Variants in NDUFAF2 observed in about 807,000 individuals in gnomAD.
NDUFAF2 encodes NADH dehydrogenase [ubiquinone] 1 alpha subcomplex assembly factor 2.
NDUFAF2 carries 13 observed loss-of-function variants against 22.8 expected under a neutral mutation model. The observed-to-expected ratio is 0.57, with a 90% confidence interval of 0.37 to 0.91. The LOEUF (loss-of-function observed/expected upper bound fraction) is 0.91. Ranked by LOEUF, NDUFAF2 falls within the 40% of genes least tolerant of loss-of-function variation. The pLI is 0.01. For missense variants in NDUFAF2, 162 were observed against 195.2 expected (o/e 0.83, Z 1.01); for synonymous variants, 53 against 64.2 (o/e 0.83, Z 0.84).
chr5:61,038,951 T>C (rs1270608870), intron 1 of NDUFAF2, among the ~76,000 whole-genome samples: 1 of 152,092 alleles, frequency 6.6e-6, no homozygotes. Flanking sequence ...TTTTTATTTA[T>C]AGAAGACAAA....
intron 1 of NDUFAF2, among the ~76,000 whole-genome samples, chr5:61,069,065 AT>A (rs1752263934): frequency 6.6e-6 from 1 of 151,982 alleles, no homozygotes; most frequent in Non-Finnish European, 1.5e-5. Context: ...GAAATTACTC[AT>A]GCAGAGCTAA....
chr5:61,107,867 C>T (rs1321895536), intron 3 of NDUFAF2, among the ~76,000 whole-genome samples: 4 of 138,930 alleles, frequency 2.9e-5, no homozygotes, highest in African/African-American at 1.1e-4. Context: ...CTTCCTGTGT[C>T]TATGTGTTCT....
At chr5:60,972,961 AT>A (rs201964798) in intron 1 of NDUFAF2, among the ~76,000 whole-genome samples, 4 of 149,834 alleles carry the variant, frequency 2.7e-5, no homozygotes, top group Admixed American at 1.3e-4. Context: ...ATTCTCACCC[AT>A]TTTTTTTACC....
chr5:61,083,375 C>T (rs575386584), intron 2 of NDUFAF2: 7 of 152,122 alleles, frequency 4.6e-5, no homozygotes, highest in African/African-American at 1.7e-4. Context: ...GCCAGTTATC[C>T]CAGCACCATT....
intron 3 of NDUFAF2, 61 bp downstream of exon 3, chr5:61,099,093 T>A: frequency 1.7e-6 from 2 of 1,165,954 alleles, no homozygotes; most frequent in Non-Finnish European, 2.4e-6. Context: ...ATACGAAGCT[T>A]CAGAAAAACT....
chr5:61,103,010 A>G (rs1287719646), intron 3 of NDUFAF2, among the ~76,000 whole-genome samples: 1 of 152,108 alleles, frequency 6.6e-6, no homozygotes, highest in African/African-American at 2.4e-5. Context: ...TGGGGTGAAA[A>G]TGATACAATC....
chr5:61,000,292 C>T (rs1210847675), intron 1 of NDUFAF2, among the ~76,000 whole-genome samples: 1 of 151,992 alleles, frequency 6.6e-6, no homozygotes, highest in African/African-American at 2.4e-5. Context: ...TCATTAATAG[C>T]AATTCAGCTT....
At chr5:61,010,434 C>G (rs1005212438) in intron 1 of NDUFAF2, among the ~76,000 whole-genome samples, 6 of 151,992 alleles carry the variant, frequency 3.9e-5, no homozygotes, top group Admixed American at 6.6e-5. Flanking sequence ...ACATGTTTTG[C>G]TTGCCTCTAG....
At chr5:60,971,379 C>T (rs538743391) in intron 1 of NDUFAF2, among the ~76,000 whole-genome samples, 163 of 151,932 alleles carry the variant, frequency 1.1e-3, no homozygotes, top group Admixed American at 2.7e-3. Context: ...CTCCGCCTCC[C>T]GGGTTCACGC....
intron 2 of NDUFAF2, among the ~76,000 whole-genome samples, chr5:61,082,386 C>A (rs557813227): frequency 1.3e-5 from 2 of 152,128 alleles, no homozygotes; most frequent in Non-Finnish European, 2.9e-5. Flanking sequence ...ACACACATCA[C>A]CATGCCTATA....
rs537283046 is a variant in NDUFAF2, at chr5:60,981,555, G to A, written c.127+36173G>A. Among the ~76,000 whole-genome samples the A allele has an allele frequency of 1.0e-3, 153 of 152,170 alleles. 1 individual carries two copies. The highest frequency in any genetic ancestry group is 5.4e-3 in the Admixed American group (82 of 15,280). On this transcript the variant is annotated intron_variant, in intron 1 of 3. Coordinates refer to ENST00000296597, the MANE Select transcript of NDUFAF2 (RefSeq NM_174889.5). ...AAGAATACTGTCACACTGAAGTTATGGTGTGTAAACTACTTATATCTTAAG... is the reference window on the plus strand; with the variant it reads ...AAGAATACTGTCACACTGAAGTTATAGTGTGTAAACTACTTATATCTTAAG...
At chr5:61,040,251 G>GACACACACACACACACAC (rs55910021) in intron 1 of NDUFAF2, among the ~76,000 whole-genome samples, 2 of 131,896 alleles carry the variant, frequency 1.5e-5, no homozygotes, top group African/African-American at 5.6e-5. Flanking sequence ...AAGAGGAAAG[G>GACACACACACACACACAC]ACACACACAC....
chr5:61,115,508 T>TAATG (rs1415560420), intron 3 of NDUFAF2: 2 of 152,208 alleles, frequency 1.3e-5, no homozygotes, highest in African/African-American at 4.8e-5. Flanking sequence ...TGAGGATGAT[T>TAATG]AATGGAGGCT....
At chr5:60,958,020 A>G (rs950717679) in intron 1 of NDUFAF2, among the ~76,000 whole-genome samples, 2 of 152,066 alleles carry the variant, frequency 1.3e-5, no homozygotes, top group African/African-American at 2.4e-5. Flanking sequence ...TGCTCCTCCA[A>G]TTTTGGGGTT....
intron 1 of NDUFAF2, among the ~76,000 whole-genome samples, chr5:60,982,848 C>T (rs1335004029): frequency 2.6e-5 from 4 of 151,990 alleles, no homozygotes; most frequent in South Asian, 4.2e-4. Context: ...TGAATAGTGC[C>T]GCAATAAACA....
At position 61,083,947 on chromosome 5, in the gene NDUFAF2, G is replaced by A. The variant is rs564599293; in HGVS notation, c.217+10733G>A. On this transcript the variant is annotated intron_variant, in intron 2 of 3. Transcript: ENST00000296597. ...CCTTCTGTTTCTTCTATTCTCATGCGTAAGCCTTTGTTTTTTCTTGCCTTA... is the reference window on the plus strand; with the variant it reads ...CCTTCTGTTTCTTCTATTCTCATGCATAAGCCTTTGTTTTTTCTTGCCTTA... 7.3e-4 allele frequency among the ~76,000 whole-genome samples: 110 copies of A among 151,634 alleles called. 4 individuals are homozygous for A. Among genetic ancestry groups the A allele is most frequent in the Non-Finnish European group, 1.4e-3 (92 of 67,736 alleles).
chr5:61,031,571 A>G (rs143942548), intron 1 of NDUFAF2, among the ~76,000 whole-genome samples: 1,800 of 152,128 alleles, frequency 0.012, 31 homozygotes, highest in African/African-American at 0.04. Flanking sequence ...GGTATACTGC[A>G]TAGTATTCCA....
chr5:61,061,391 TG>T (rs948988109), intron 1 of NDUFAF2, among the ~76,000 whole-genome samples: 1 of 152,190 alleles, frequency 6.6e-6, no homozygotes, highest in African/African-American at 2.4e-5. Context: ...TGTTTAGTGC[TG>T]TGGCTTTATT....
chr5:60,961,032 A>G lies in NDUFAF2; in HGVS notation c.127+15650A>G, dbSNP rs575457107. Reference sequence around the variant, plus strand: ...TCAAGGATGAAGTCTTGTAAAATAAATTATTATTGTTGATGGTAGTGGTGA... The same window carrying G: ...TCAAGGATGAAGTCTTGTAAAATAAGTTATTATTGTTGATGGTAGTGGTGA... On this transcript the variant is annotated intron_variant, in intron 1 of 3. Transcript: ENST00000296597. 2.1e-4 allele frequency among the ~76,000 whole-genome samples: 32 copies of G among 152,252 alleles called. 1 individual carries two copies. In the South Asian group the frequency reaches 5.8e-3, roughly 28 times the overall value.
Sources: gnomAD v4.1 joint callset for allele counts (sites outside exome capture counted in the v4.1 genomes callset) on GRCh38, gnomAD v4.1.1 for gene constraint, MANE v1.5 for transcripts, NCBI Gene and HGNC (gene_info 2026-07-23, HGNC 2026-07-21) for gene names.